Variants in DAB1 observed in about 807,000 individuals in gnomAD.
The protein encoded by DAB1 is disabled homolog 1.
Under a neutral mutation model 64.6 loss-of-function variants are expected in DAB1, and 15 were observed. The ratio of observed to expected loss-of-function variants is 0.23; its 90% CI spans 0.16 to 0.36. The LOEUF (loss-of-function observed/expected upper bound fraction) is 0.36, where lower values mean the gene tolerates loss of function less well. DAB1 is among the 10% of genes least tolerant of loss of function. The pLI is 1.00. For synonymous variants in DAB1, 235 were observed against 251.9 expected, an observed-to-expected ratio of 0.93 and a Z score of 0.64; for missense variants, 596 against 706.7, an observed-to-expected ratio of 0.84 and a Z score of 1.78.
intron 1 of DAB1, among the ~76,000 whole-genome samples, chr1:57,343,617 G>A (rs538002538): frequency 6.6e-5 from 10 of 152,222 alleles, no homozygotes; most frequent in Non-Finnish European, 1.5e-4. Context: ...CTAAGGCCCG[G>A]CGAGAAATTG....
intron 1 of DAB1, among the ~76,000 whole-genome samples, chr1:57,365,576 T>C (rs6669975): frequency 0.4 from 61,085 of 151,520 alleles, 12,824 homozygotes; most frequent in Non-Finnish European, 0.44. Context: ...CCATAACAGT[T>C]TGAAGACACA....
chr1:58,083,376 T>A (rs1650114834), intron 5 of DAB1, among the ~76,000 whole-genome samples: 1 of 152,210 alleles, frequency 6.6e-6, no homozygotes, highest in Non-Finnish European at 1.5e-5. Flanking sequence ...CTCACTCTTC[T>A]TCTCCAAGGC....
chr1:57,559,618 G>C (rs1033323840), intron 7 of DAB1, among the ~76,000 whole-genome samples: 2 of 152,130 alleles, frequency 1.3e-5, no homozygotes, highest in African/African-American at 4.8e-5. Context: ...GTAATTAATG[G>C]AGTTTTAGCT....
intron 6 of DAB1, among the ~76,000 whole-genome samples, chr1:57,804,364 T>C (rs1197372433): frequency 6.6e-6 from 1 of 152,144 alleles, no homozygotes; most frequent in East Asian, 1.9e-4. Flanking sequence ...AAGGGGTGAC[T>C]TGAAGGACTC....
chr1:57,469,830 T>A (rs2101203065), intron 7 of DAB1, among the ~76,000 whole-genome samples: 1 of 152,308 alleles, frequency 6.6e-6, no homozygotes, highest in Non-Finnish European at 1.5e-5. Context: ...GGAAATGCTG[T>A]AGATTTGATT....
chr1:57,630,217 G>A (rs1237004061), intron 7 of DAB1, among the ~76,000 whole-genome samples: 2 of 152,088 alleles, frequency 1.3e-5, no homozygotes, highest in Non-Finnish European at 2.9e-5. Context: ...AAGTGACTTC[G>A]GATTTCAATT....
intron 7 of DAB1, among the ~76,000 whole-genome samples, chr1:57,521,532 C>T (rs76075629): frequency 0.07 from 10,603 of 152,008 alleles, 1,152 homozygotes; most frequent in African/African-American, 0.23. Context: ...AGGAATGATA[C>T]AAGAGTCAAA....
In DAB1 at chr1:57,110,943, G is replaced by A. The variant is rs1212843680; in HGVS notation, c.306+25600C>T. ...TCCAGCCTTGATATTTATATATCAA[G>A]GCTTATATAAACAGAAATATATATA... On this transcript the variant is annotated intron_variant, in intron 4 of 14. Coordinates refer to ENST00000371236, the MANE Select transcript of DAB1 (RefSeq NM_001365792.1). Among the ~76,000 whole-genome samples, 3 of 151,790 alleles carry A rather than the reference G, an allele frequency of 2.0e-5. No individual in the cohort carries two copies. The East Asian group carries it at 5.8e-4, about 29-fold the overall frequency.
At chr1:57,091,304 C>T (rs1653658978) in intron 4 of DAB1, among the ~76,000 whole-genome samples, 3 of 152,136 alleles carry the variant, frequency 2.0e-5, no homozygotes. Flanking sequence ...AAAAAAAATA[C>T]TTCCCATTGC....
At chr1:58,313,354 G>A (rs998111851) in intron 4 of DAB1, among the ~76,000 whole-genome samples, 17 of 152,140 alleles carry the variant, frequency 1.1e-4, no homozygotes, top group African/African-American at 4.1e-4. Flanking sequence ...CAAGAGGGAG[G>A]AGTGGTTACC....
intron 7 of DAB1, among the ~76,000 whole-genome samples, chr1:57,581,046 G>T (rs913378978): frequency 6.6e-6 from 1 of 152,194 alleles, no homozygotes; most frequent in African/African-American, 2.4e-5. Flanking sequence ...CCTGTGTGTG[G>T]GGCCCTCTCT....
At chr1:58,361,147 G>A (rs1644160046) in intron 3 of DAB1, among the ~76,000 whole-genome samples, 1 of 152,222 alleles carries the variant, frequency 6.6e-6, no homozygotes, top group South Asian at 2.1e-4. Context: ...TGGCTGCTGA[G>A]CTGCAAGGAG....
At chr1:58,090,233 C>T (rs1294386521) in intron 5 of DAB1, among the ~76,000 whole-genome samples, 3 of 152,070 alleles carry the variant, frequency 2.0e-5, no homozygotes, top group African/African-American at 7.2e-5. Flanking sequence ...TCCATTTAAA[C>T]AAACAGCTGA....
chr1:58,379,201 T>TC (rs1038527494), intron 3 of DAB1, among the ~76,000 whole-genome samples: 10 of 151,922 alleles, frequency 6.6e-5, no homozygotes, highest in Admixed American at 1.3e-4. Context: ...TCTTGGCTCC[T>TC]CCCCCCCAGC....
At chr1:58,470,150 TTA>T (rs1317745098) in intron 3 of DAB1, among the ~76,000 whole-genome samples, 1 of 46,374 alleles carries the variant, frequency 2.2e-5, no homozygotes, top group Non-Finnish European at 4.7e-5. Context: ...ATTTATTTAT[TTA>T]TTTATTTTTA....
At chr1:57,205,317 C>T (rs1383789969) in intron 2 of DAB1, among the ~76,000 whole-genome samples, 2 of 152,178 alleles carry the variant, frequency 1.3e-5, no homozygotes, top group Non-Finnish European at 2.9e-5. Flanking sequence ...ATATACACCT[C>T]AAATACTTAT....
At chr1:57,835,747 T>A (rs920629495) in intron 1 of DAB1, among the ~76,000 whole-genome samples, 22 of 152,192 alleles carry the variant, frequency 1.4e-4, no homozygotes, top group African/African-American at 4.6e-4. Context: ...GAAACACAGA[T>A]GTTGTGATTT....
intron 5 of DAB1, among the ~76,000 whole-genome samples, chr1:58,144,996 C>T (rs1482240911): frequency 6.6e-6 from 1 of 152,174 alleles, no homozygotes; most frequent in Admixed American, 6.5e-5. Flanking sequence ...TGAAAAAGAA[C>T]ATCAGAAGAG....
At chr1:58,056,994 C>A (rs1033963575) in intron 5 of DAB1, among the ~76,000 whole-genome samples, 2 of 151,644 alleles carry the variant, frequency 1.3e-5, no homozygotes, top group African/African-American at 4.8e-5. Context: ...CTTAAACAAT[C>A]CCTTTATTAA....
Sources: gnomAD v4.1 joint callset for allele counts (sites outside exome capture counted in the v4.1 genomes callset) on GRCh38, gnomAD v4.1.1 for gene constraint, MANE v1.5 for transcripts, NCBI Gene and HGNC (gene_info 2026-07-23, HGNC 2026-07-21) for gene names.